Variants in PPFIBP2 observed in about 807,000 individuals in gnomAD.
PPFIBP2 encodes PPFIB scaffold protein 2, also known as liprin-beta-2.
A neutral mutation model predicts 118.3 loss-of-function variants in PPFIBP2; 118 were observed. That is an observed-to-expected ratio of 1.00 (90% CI 0.86 to 1.16). The LOEUF is 1.16. Ranked by LOEUF, PPFIBP2 falls within the 50% of genes most tolerant of loss-of-function variation. The probability of loss-of-function intolerance (pLI) is 0.00; values close to 1 mark genes in which losing one functional copy is unlikely to be tolerated. For synonymous variants in PPFIBP2, 414 were observed against 397.4 expected, an observed-to-expected ratio of 1.04 and a Z score of -0.50; for missense variants, 1,195 against 1,073.1, an observed-to-expected ratio of 1.11 and a Z score of -1.59.
intron 2 of PPFIBP2, 88 bp from the exon 3 acceptor site, chr11:7,565,465 C>A (rs1854856266): frequency 2.2e-6 from 3 of 1,364,028 alleles, no homozygotes; most frequent in Non-Finnish European, 3.1e-6. Context: ...GTCCCTTTCA[C>A]CGTTTCTTCA....
chr11:7,633,037 A>C, intron 12 of PPFIBP2, 103 bp downstream of exon 12: 1 of 1,036,984 alleles, frequency 9.6e-7, no homozygotes, highest in South Asian at 1.4e-5. Flanking sequence ...ATGGCCACTG[A>C]GTCCTAGGTG....
intron 17 of PPFIBP2, among the ~76,000 whole-genome samples, chr11:7,645,855 A>G (rs967953132): frequency 6.6e-6 from 1 of 152,238 alleles, no homozygotes; most frequent in Non-Finnish European, 1.5e-5. Flanking sequence ...TAAAAAATTT[A>G]AAAAAGAACT....
Position 7,616,866 on chromosome 11 carries a change from G to A in PPFIBP2, c.619-4069G>A, listed in dbSNP as rs1354383726. On this transcript the variant is annotated intron_variant, in intron 6 of 23. Coordinates refer to ENST00000299492, the MANE Select transcript of PPFIBP2 (RefSeq NM_003621.5). This position sits in a 1 kb window ranked among gnomAD's most constrained non-coding sequence, Gnocchi z 5.2. ...GCCTCGGTGTTGACACAACAATATG[G>A]CACAAAGGAGCTGTTGGGGATTTGT... is the stretch of plus-strand genomic sequence containing the variant. Among the ~76,000 whole-genome samples the A allele has an allele frequency of 2.0e-5, 3 of 151,954 alleles. No homozygotes were observed. The highest frequency in any genetic ancestry group is 1.3e-4 in the Admixed American group (2 of 15,274).
chr11:7,630,319 T>G (rs1850588913), intron 10 of PPFIBP2, among the ~76,000 whole-genome samples: 1 of 152,216 alleles, frequency 6.6e-6, no homozygotes. Context: ...CCCTCTTTTT[T>G]TTCTCTTTTT....
intron 1 of PPFIBP2, among the ~76,000 whole-genome samples, chr11:7,534,930 A>G (rs1590145249): frequency 6.6e-6 from 1 of 152,212 alleles, no homozygotes; most frequent in East Asian, 1.9e-4. Flanking sequence ...TCTCAAATAG[A>G]AGGCACCATG....
intron 1 of PPFIBP2, among the ~76,000 whole-genome samples, chr11:7,544,354 C>T (rs1852090766): frequency 6.6e-6 from 1 of 152,118 alleles, no homozygotes; most frequent in Non-Finnish European, 1.5e-5. Flanking sequence ...TCTCTGTGTC[C>T]ACTTCTTTCT....
the PPFIBP2 span, chr11:7,666,043 C>G: frequency 5.0e-6 from 4 of 807,084 alleles, no homozygotes; most frequent in Non-Finnish European, 8.1e-6. Context: ...CAGCAGCTGT[C>G]TGGGGGCTCA....
chr11:7,654,677 C>A (rs1467037731), downstream of PPFIBP2, among the ~76,000 whole-genome samples: 1 of 152,246 alleles, frequency 6.6e-6, no homozygotes, highest in Non-Finnish European at 1.5e-5. Context: ...AGGCTGATGC[C>A]TGGCCACTGG....
At chr11:7,594,826 A>G (rs147615511) in intron 4 of PPFIBP2, among the ~76,000 whole-genome samples, 10 of 149,648 alleles carry the variant, frequency 6.7e-5, no homozygotes, top group African/African-American at 2.2e-4. Context: ...CTGACGTAGG[A>G]GAATTGATTG....
At chr11:7,568,818 G>C (rs1181957598) in intron 3 of PPFIBP2, 1 of 152,188 alleles carries the variant, frequency 6.6e-6, no homozygotes, top group African/African-American at 2.4e-5. Flanking sequence ...AATTATTTTT[G>C]AGCGAAGTCC....
At chr11:7,514,739 C>T (rs1173047968) in intron 1 of PPFIBP2, among the ~76,000 whole-genome samples, 1 of 152,200 alleles carries the variant, frequency 6.6e-6, no homozygotes, top group Admixed American at 6.5e-5. Flanking sequence ...ATTCCAGACC[C>T]GCAGTTTTTC....
At chr11:7,518,407 T>G (rs1288440343) in intron 1 of PPFIBP2, among the ~76,000 whole-genome samples, 1 of 152,112 alleles carries the variant, frequency 6.6e-6, no homozygotes, top group East Asian at 1.9e-4. Flanking sequence ...TTTACCACTT[T>G]ATGGGCACCC....
chr11:7,650,018 G>A (rs11601543), intron 21 of PPFIBP2, among the ~76,000 whole-genome samples: 4,982 of 152,328 alleles, frequency 0.033, 126 homozygotes, highest in Middle Eastern at 0.092. Flanking sequence ...AGAGGAGCCC[G>A]TAGAAGCTAG....
At chr11:7,539,728 G>A (rs1254442436) in intron 1 of PPFIBP2, among the ~76,000 whole-genome samples, 1 of 152,150 alleles carries the variant, frequency 6.6e-6, no homozygotes, top group Non-Finnish European at 1.5e-5. Context: ...GGATGGGAGA[G>A]GATCCTTGGA....
At chr11:7,528,937 A>C (rs761270797) in intron 1 of PPFIBP2, among the ~76,000 whole-genome samples, 1 of 152,186 alleles carries the variant, frequency 6.6e-6, no homozygotes, top group South Asian at 2.1e-4. Context: ...CTCAGAACTC[A>C]GATCTAGCCC....
intron 17 of PPFIBP2, among the ~76,000 whole-genome samples, chr11:7,643,231 C>G (rs1852473304): frequency 6.6e-6 from 1 of 152,030 alleles, no homozygotes; most frequent in Admixed American, 6.5e-5. Flanking sequence ...ACTGTTGTTT[C>G]TGATTTATCT....
intron 2 of PPFIBP2, among the ~76,000 whole-genome samples, chr11:7,562,611 T>C (rs1854425775): frequency 6.6e-6 from 1 of 152,162 alleles, no homozygotes; most frequent in South Asian, 2.1e-4. Context: ...AAACTCTTCC[T>C]CTGAGAGGAA....
At chr11:7,547,134 G>C (rs1040243196) in intron 1 of PPFIBP2, among the ~76,000 whole-genome samples, 1 of 152,270 alleles carries the variant, frequency 6.6e-6, no homozygotes, top group Non-Finnish European at 1.5e-5. Flanking sequence ...CTGTGGATTT[G>C]TTGTGCTTTG....
chr11:7,629,123 G>A (rs529747900), intron 9 of PPFIBP2, among the ~76,000 whole-genome samples: 3 of 152,078 alleles, frequency 2.0e-5, no homozygotes, highest in South Asian at 2.1e-4. Flanking sequence ...TTTTTGTGTC[G>A]CTCCAGAGGG....
Sources: allele counts gnomAD v4.1 joint callset (sites outside exome capture counted in the v4.1 genomes callset), GRCh38; gene constraint gnomAD v4.1.1; non-coding constraint Gnocchi (gnomAD v3.1); transcripts MANE v1.5; gene names NCBI Gene and HGNC (gene_info 2026-07-23, HGNC 2026-07-21).